Variants in ANO3 observed in about 807,000 individuals in gnomAD.
ANO3 encodes anoctamin 3.
In ANO3, 99 loss-of-function variants were observed where a neutral mutation model predicts 144.8. That is an observed-to-expected ratio of 0.68 (90% CI 0.58 to 0.81). ANO3 has a LOEUF of 0.81. Ranked by LOEUF, ANO3 falls within the 30% of genes least tolerant of loss-of-function variation. The pLI is 0.00. For missense variants in ANO3, 905 were observed against 1,202.2 expected (o/e 0.75, Z 3.66); for synonymous variants, 414 against 392.6 (o/e 1.05, Z -0.64).
At chr11:26,612,607 A>G (rs913164506) in intron 17 of ANO3, among the ~76,000 whole-genome samples, 2 of 151,236 alleles carry the variant, frequency 1.3e-5, no homozygotes, top group African/African-American at 4.9e-5. Context: ...ATGCTTATAC[A>G]GTTTTCTTGA....
chr11:26,330,014 G>A (rs962768563), upstream of ANO3, among the ~76,000 whole-genome samples: 1 of 151,978 alleles, frequency 6.6e-6, no homozygotes, highest in Admixed American at 6.6e-5. Flanking sequence ...TGCTGACCAG[G>A]GATTGAATTA....
intron 1 of ANO3, among the ~76,000 whole-genome samples, chr11:26,274,287 A>G (rs1219855528): frequency 6.6e-6 from 1 of 152,160 alleles, no homozygotes; most frequent in Non-Finnish European, 1.5e-5. Context: ...ACAATATACA[A>G]ATAAACAATA....
intron 1 of ANO3, among the ~76,000 whole-genome samples, chr11:26,277,415 T>TC (rs1440761813): frequency 6.6e-6 from 1 of 152,170 alleles, no homozygotes; most frequent in African/African-American, 2.4e-5. Flanking sequence ...TGAATTCTCA[T>TC]ATTGTCATCT....
chr11:26,326,431 A>G (rs1236359993), intron 1 of ANO3, among the ~76,000 whole-genome samples: 1 of 152,168 alleles, frequency 6.6e-6, no homozygotes, highest in Non-Finnish European at 1.5e-5. Context: ...GTATCTATGC[A>G]CGTACTTTTT....
At chr11:26,485,738 A>G (rs1304441205) in intron 4 of ANO3, among the ~76,000 whole-genome samples, 1 of 152,180 alleles carries the variant, frequency 6.6e-6, no homozygotes, top group East Asian at 1.9e-4. Context: ...GAGACCTGAA[A>G]CTATGAATGT....
At chr11:26,360,131 T>G (rs1242625527) in intron 1 of ANO3, among the ~76,000 whole-genome samples, 2 of 132,250 alleles carry the variant, frequency 1.5e-5, no homozygotes, top group African/African-American at 5.8e-5. Flanking sequence ...TTCATTGACA[T>G]TTTTTCCTTT....
intron 1 of ANO3, among the ~76,000 whole-genome samples, chr11:26,360,693 C>G (rs1393716753): frequency 6.6e-6 from 1 of 152,128 alleles, no homozygotes; most frequent in Non-Finnish European, 1.5e-5. Context: ...TCATGGAATC[C>G]TCTCTGCATG....
chr11:26,477,812 T>G (rs1590396350), intron 4 of ANO3, among the ~76,000 whole-genome samples: 1 of 152,150 alleles, frequency 6.6e-6, no homozygotes, highest in Non-Finnish European at 1.5e-5. Flanking sequence ...AGGAAATCAA[T>G]CTTGTCTTTA....
intron 3 of ANO3, 151 bp downstream of exon 3, chr11:26,443,987 A>G (rs1177469937): frequency 2.1e-5 from 10 of 474,320 alleles, no homozygotes; most frequent in Non-Finnish European, 3.7e-5. Flanking sequence ...AGGTTAAGAA[A>G]TTAAGAAATG....
intron 1 of ANO3, among the ~76,000 whole-genome samples, chr11:26,348,743 T>A (rs1230664848): frequency 1.3e-5 from 2 of 152,202 alleles, no homozygotes; most frequent in Admixed American, 1.3e-4. Flanking sequence ...CTGTGGAAGG[T>A]ACAAGGGTTG....
chr11:26,634,188 C>T lies in ANO3; in HGVS notation c.1874-16C>T. ...CCTCACCTCACCTGTGTCAATGCAA[C>T]CTGTGTTCCTTTTAGAATATCCTCG... On this transcript the variant is annotated splice_polypyrimidine_tract_variant and intron_variant, in intron 18 of 26. Coordinates refer to ENST00000256737, the MANE Select transcript of ANO3 (RefSeq NM_031418.4). 1.3e-6 allele frequency: 2 copies of T among 1,576,530 alleles called. No homozygotes were observed. The highest frequency in any genetic ancestry group is 1.7e-6 in the Non-Finnish European group (2 of 1,146,332).
intron 1 of ANO3, among the ~76,000 whole-genome samples, chr11:26,286,897 ACT>A (rs2133849552): frequency 6.6e-6 from 1 of 152,144 alleles, no homozygotes; most frequent in South Asian, 2.1e-4. Flanking sequence ...CCTTCTAAAG[ACT>A]CTCTGCTTAA....
intron 4 of ANO3, among the ~76,000 whole-genome samples, chr11:26,484,782 G>A (rs1405945503): frequency 6.6e-6 from 1 of 152,196 alleles, no homozygotes; most frequent in African/African-American, 2.4e-5. Context: ...ACCCTGCAGA[G>A]CCACTGGGGC....
chr11:26,584,429 G>A (rs983982523), intron 14 of ANO3, among the ~76,000 whole-genome samples: 1 of 152,154 alleles, frequency 6.6e-6, no homozygotes, highest in Admixed American at 6.5e-5. Context: ...AAAGTGCTGG[G>A]ATTATAGGCC....
At position 26,230,077 on chromosome 11, in the gene ANO3, T is replaced by C. The variant is rs370824588; in HGVS notation, c.154+40747T>C. Among the ~76,000 whole-genome samples the C allele has an allele frequency of 3.4e-4, 52 of 152,328 alleles. No homozygotes were observed. In the East Asian group the frequency reaches 4.1e-3, roughly 12 times the overall value. ...TGAGAATAGACTGGCATGGATAGAC[T>C]AGTTGCCTAAAAAACTTCAGCCTTC... On this transcript the variant is annotated intron_variant, in intron 1 of 27. Transcript: ENST00000672621.
rs757112038 is a variant in ANO3 at position 26,553,346 on chromosome 11, G to T, written c.1386+1G>T. 1.9e-6 allele frequency: 3 copies of T among 1,607,102 alleles called. No individual in the cohort carries two copies. Among genetic ancestry groups the T allele is most frequent in the Non-Finnish European group, 2.6e-6 (3 of 1,174,418 alleles). ...CAACGACAGCTGTATCTATGCCAAGGTGAGTGTGGACCCTCACATTCTCCT... is the reference window on the plus strand; with the variant it reads ...CAACGACAGCTGTATCTATGCCAAGTTGAGTGTGGACCCTCACATTCTCCT... On this transcript the variant is annotated splice_donor_variant, in intron 13 of 26. Coordinates refer to ENST00000256737, the MANE Select transcript of ANO3 (RefSeq NM_031418.4). LOFTEE classifies it high-confidence loss of function.
intron 1 of ANO3, among the ~76,000 whole-genome samples, chr11:26,339,555 T>G (rs749327824): frequency 6.6e-6 from 1 of 152,194 alleles, no homozygotes; most frequent in African/African-American, 2.4e-5. Flanking sequence ...AGCATTTCAC[T>G]CCTGTCTAAT....
chr11:26,649,588 T>C (rs954206991), intron 24 of ANO3, among the ~76,000 whole-genome samples: 1 of 152,026 alleles, frequency 6.6e-6, no homozygotes, highest in African/African-American at 2.4e-5. Context: ...AATACAAAAA[T>C]TAGCTGGGCG....
At position 26,453,206 on chromosome 11, in the gene ANO3, C is replaced by T. The variant is rs1859017344; in HGVS notation, c.313+9370C>T. Reference sequence around the variant, plus strand: ...AAATAACCAGCTAACATCATAATGACAGGATCAAATTCACACATAACAATA... The same window carrying T: ...AAATAACCAGCTAACATCATAATGATAGGATCAAATTCACACATAACAATA... On this transcript the variant is annotated intron_variant, in intron 3 of 26. Coordinates refer to ENST00000256737, the MANE Select transcript of ANO3 (RefSeq NM_031418.4). 2.0e-5 allele frequency among the ~76,000 whole-genome samples: 3 copies of T among 152,248 alleles called. No homozygotes were observed. The South Asian group carries it at 6.2e-4, about 32-fold the overall frequency.
Sources: gnomAD v4.1 joint callset for allele counts (sites outside exome capture counted in the v4.1 genomes callset) on GRCh38, gnomAD v4.1.1 for gene constraint, MANE v1.5 for transcripts, NCBI Gene and HGNC (gene_info 2026-07-23, HGNC 2026-07-21) for gene names.